The following SREK1IP1 variants were observed in gnomAD, a reference collection of about 807,000 sequenced individuals.
SREK1IP1 encodes SREK1 interacting protein 1, also known as protein SREK1IP1.
Under a neutral mutation model 22.8 loss-of-function variants are expected in SREK1IP1, and 12 were observed. That is an observed-to-expected ratio of 0.53 (90% CI 0.34 to 0.85). The LOEUF (loss-of-function observed/expected upper bound fraction) is 0.85, where lower values mean the gene tolerates loss of function less well. Among genes scored for constraint, SREK1IP1 ranks in the 40% least tolerant of loss-of-function variants. SREK1IP1 has a pLI of 0.02. For synonymous variants in SREK1IP1, 53 were observed against 52.7 expected, an observed-to-expected ratio of 1.01 and a Z score of -0.02; for missense variants, 147 against 171.8, an observed-to-expected ratio of 0.86 and a Z score of 0.81.
At chr5:64,736,611 G>A (rs984846452) in intron 3 of SREK1IP1, among the ~76,000 whole-genome samples, 15 of 151,990 alleles carry the variant, frequency 9.9e-5, no homozygotes, top group African/African-American at 2.9e-4. Context: ...ACAGGCATGC[G>A]CCACCATGCC....
chr5:64,757,540 A>C (rs1742863947), intron 1 of SREK1IP1, among the ~76,000 whole-genome samples: 1 of 152,252 alleles, frequency 6.6e-6, no homozygotes, highest in Admixed American at 6.5e-5. Context: ...TAAATGCAGA[A>C]CATTGCATCC....
At chr5:64,724,675 G>T in intron 4 of SREK1IP1, 102 bp from the exon 5 acceptor site, 1 of 914,142 alleles carries the variant, frequency 1.1e-6, no homozygotes, top group Non-Finnish European at 1.6e-6. Context: ...AGTAAGGTAG[G>T]GAGTATAAAC....
In SREK1IP1 at chr5:64,740,924, T is replaced by G; in HGVS notation, c.205+133A>C. Reference sequence around the variant, plus strand: ...TCTTAGGCAAATAACTTACAATATTTAAAACCTATTTCCTATGCAGTAGCT... The same window carrying G: ...TCTTAGGCAAATAACTTACAATATTGAAAACCTATTTCCTATGCAGTAGCT... On this transcript the variant is annotated intron_variant, in intron 3 of 4. Transcript: ENST00000513458. 3 of 794,348 alleles carry G rather than the reference T, an allele frequency of 3.8e-6. 1 individual carries two copies. The South Asian group carries it at 6.2e-5, about 17-fold the overall frequency. The allele number at this position is 794,348 out of a possible 1,614,324, so 49.2% of individuals were successfully genotyped here.
At chr5:64,760,973 C>T (rs1472181067) in intron 1 of SREK1IP1, among the ~76,000 whole-genome samples, 1 of 152,180 alleles carries the variant, frequency 6.6e-6, no homozygotes, top group Non-Finnish European at 1.5e-5. Flanking sequence ...TCTGGAAAAT[C>T]TCCCTCAAAC....
At chr5:64,756,944 A>C (rs1742852241) in intron 1 of SREK1IP1, among the ~76,000 whole-genome samples, 1 of 152,208 alleles carries the variant, frequency 6.6e-6, no homozygotes, top group Admixed American at 6.5e-5. Context: ...ATAATTCCCA[A>C]ACCCTTGAAA....
chr5:64,768,211 G>A (rs1171829620), intron 1 of SREK1IP1, among the ~76,000 whole-genome samples: 3 of 152,050 alleles, frequency 2.0e-5, no homozygotes, highest in Non-Finnish European at 2.9e-5. Flanking sequence ...TCGGCCGCTT[G>A]CCCCCTTAGG....
At chr5:64,756,727 C>T (rs910596356) in intron 1 of SREK1IP1, among the ~76,000 whole-genome samples, 1 of 151,760 alleles carries the variant, frequency 6.6e-6, no homozygotes, top group African/African-American at 2.4e-5. Context: ...CCCAGGTTCA[C>T]GCCATTCTCC....
In SREK1IP1 at chr5:64,740,970, G is replaced by T; in HGVS notation, c.205+87C>A. 3.3e-6 allele frequency: 4 copies of T among 1,225,310 alleles called. No individual in the cohort carries two copies. In the South Asian group the frequency reaches 5.6e-5, roughly 17 times the overall value. The allele number at this position is 1,225,310 out of a possible 1,614,324, so 75.9% of individuals were successfully genotyped here. ...TAGCTCTTACATAAACTATAAAAGA[G>T]ATCTTAGTAAGTATAATGGAAAGCA... On this transcript the variant is annotated intron_variant, in intron 3 of 4. Transcript: ENST00000513458.
chr5:64,729,923 G>A (rs1464475372), intron 3 of SREK1IP1, among the ~76,000 whole-genome samples: 1 of 152,192 alleles, frequency 6.6e-6, no homozygotes, highest in Non-Finnish European at 1.5e-5. Flanking sequence ...AGTTTGGTAT[G>A]TGATTCTGAA....
rs754601766 is a variant in SREK1IP1 at position 64,741,173 on chromosome 5, T to C, written c.89A>G (p.Asn30Ser). 2.5e-6 allele frequency: 4 copies of C among 1,611,536 alleles called. No homozygotes were observed. Among genetic ancestry groups the C allele is most frequent in the Non-Finnish European group, 3.4e-6 (4 of 1,178,682 alleles). Residue 30 changes from asparagine to serine, a missense_variant, in exon 3 of 5, where the codon AAT becomes AGT. Asn to Ser is a conservative substitution (Grantham distance 46, BLOSUM62 1). Around this residue, in one of 3 missense-constraint regions of SREK1IP1, gnomAD observed 62 missense variants for 73.3 expected, o/e 0.85. Coordinates refer to ENST00000513458, the MANE Select transcript of SREK1IP1 (RefSeq NM_173829.4). ...CCTTTTAGGGTCTACTCGGAGAAAA[T>C]TGCGGCATTCAAAAGTCAGGTGACC... ...YPGHLTFECR[N>S]FLRVDPKRDI... is the part of the protein sequence containing the mutation.
chr5:64,734,090 G>A (rs1055345456), intron 3 of SREK1IP1, among the ~76,000 whole-genome samples: 1 of 152,026 alleles, frequency 6.6e-6, no homozygotes, highest in East Asian at 1.9e-4. Context: ...TGTAGTTTTC[G>A]AAGATGTTAC....
At chr5:64,754,247 A>T (rs1224440665) in intron 2 of SREK1IP1, 68 bp downstream of exon 2, 1 of 1,483,966 alleles carries the variant, frequency 6.7e-7, no homozygotes, top group Non-Finnish European at 9.4e-7. Flanking sequence ...GTGCTACATT[A>T]TATTGCCCAA....
chr5:64,721,777 T>C lies in SREK1IP1; in HGVS notation c.*2607A>G, dbSNP rs1742167840. On this transcript the variant is annotated 3_prime_UTR_variant, in exon 5 of 5. Transcript: ENST00000513458. ...TTGAAGAAGTTGAACGTGTTTATTA[T>C]ATTAATAAATTCAACCTTTACTATT... 6.6e-6 allele frequency: 1 copy of C among 152,198 alleles called. No individual in the cohort carries two copies. Among genetic ancestry groups the C allele is most frequent in the Admixed American group, 6.5e-5 (1 of 15,288 alleles). 9.4% of individuals were successfully genotyped at this position (152,198 alleles called of 1,614,324 possible). A position where few individuals can be genotyped will look rare whatever the true frequency, so the allele number is the denominator to read the frequency against.
At chr5:64,763,297 G>A (rs545111104) in intron 1 of SREK1IP1, among the ~76,000 whole-genome samples, 35 of 152,168 alleles carry the variant, frequency 2.3e-4, no homozygotes, top group African/African-American at 7.9e-4. Context: ...CCAGAACTTT[G>A]GGAGGCTGAG....
chr5:64,754,578 C>T (rs770512193), intron 1 of SREK1IP1: 85 of 464,314 alleles, frequency 1.8e-4, no homozygotes, highest in Non-Finnish European at 3.0e-4. Context: ...ATCCTCCTAC[C>T]TTAGCCTCCC....
chr5:64,748,142 A>G (rs914263658), intron 2 of SREK1IP1, among the ~76,000 whole-genome samples: 4 of 152,226 alleles, frequency 2.6e-5, no homozygotes, highest in Non-Finnish European at 5.9e-5. Context: ...TGGTATATAC[A>G]TATAGAGAAA....
chr5:64,742,582 G>A (rs918295638), intron 2 of SREK1IP1, among the ~76,000 whole-genome samples: 32 of 152,080 alleles, frequency 2.1e-4, no homozygotes, highest in Non-Finnish European at 3.4e-4. Context: ...TATTTTGTGG[G>A]TGAAGTCCTT....
At position 64,752,230 on chromosome 5, in the gene SREK1IP1, C is replaced by T. The variant is rs188676578; in HGVS notation, c.61+2085G>A. Among the ~76,000 whole-genome samples, 57 of 145,756 alleles carry T rather than the reference C, an allele frequency of 3.9e-4. No individual in the cohort carries two copies. In the East Asian group the frequency reaches 0.011, roughly 29 times the overall value. On this transcript the variant is annotated intron_variant, in intron 2 of 4. Transcript: ENST00000513458. ...GCAGTGGCGCAATCTCGGCTCACTG[C>T]AAACTCCACCTCCCGGGTTCACGCC...
chr5:64,725,843 T>G (rs1023307981), intron 4 of SREK1IP1, among the ~76,000 whole-genome samples: 3 of 119,744 alleles, frequency 2.5e-5, no homozygotes, highest in East Asian at 2.1e-4. Flanking sequence ...GTCCTGAAGT[T>G]TTTTTTTTTG....
Sources: allele counts gnomAD v4.1 joint callset (sites outside exome capture counted in the v4.1 genomes callset), GRCh38; gene constraint gnomAD v4.1.1; regional missense constraint gnomAD v4.1.1; transcripts MANE v1.5; gene names NCBI Gene and HGNC (gene_info 2026-07-23, HGNC 2026-07-21).